Variants in MICAL2 observed in about 807,000 individuals in gnomAD.
MICAL2 encodes the protein [F-actin]-monooxygenase MICAL2.
Under a neutral mutation model 127.3 loss-of-function variants are expected in MICAL2, and 77 were observed. That is an observed-to-expected ratio of 0.60 (90% CI 0.50 to 0.73). The LOEUF (loss-of-function observed/expected upper bound fraction) is 0.73, where lower values mean the gene tolerates loss of function less well. Ranked by LOEUF, MICAL2 falls within the 30% of genes least tolerant of loss-of-function variation. The pLI is 0.00. For synonymous variants in MICAL2, 570 were observed against 551.1 expected (o/e 1.03, Z -0.48); for missense variants, 1,351 against 1,434.4 (o/e 0.94, Z 0.94).
intron 15 of MICAL2, among the ~76,000 whole-genome samples, chr11:12,230,517 T>C (rs1433973349): frequency 2.6e-5 from 4 of 152,146 alleles, no homozygotes; most frequent in Non-Finnish European, 5.9e-5. Flanking sequence ...GGTGCATCCG[T>C]ATTTGACCTT....
chr11:12,291,064 C>T (rs1863891974), downstream of MICAL2, among the ~76,000 whole-genome samples: 2 of 152,134 alleles, frequency 1.3e-5, no homozygotes, highest in South Asian at 2.1e-4. Flanking sequence ...GCTGAGTGGC[C>T]AGAAGCAGGG....
rs267602741 is a variant in MICAL2, at chr11:12,244,014, C to G, written c.2686C>G (p.His896Asp). The G allele has an allele frequency of 3.1e-6, 5 of 1,613,818 alleles. No individual in the cohort carries two copies. In the African/African-American group the frequency reaches 5.3e-5, roughly 17 times the overall value. Residue 896 changes from histidine to aspartate, a missense_variant, in exon 21 of 28, where the codon CAT becomes GAT. His to Asp is a moderately conservative substitution (Grantham distance 81). This residue lies in a region of MICAL2 where 752 missense variants were observed against 719.4 expected (regional missense o/e 1.05). Coordinates refer to ENST00000683283, the MANE Select transcript of MICAL2 (RefSeq NM_001282663.2). ...TAAACTACTCTCTAAAGGCCTGTCT[C>G]ATACTCATCCTCCATCTCCTCCCTC... Reference protein sequence around the residue: ...QNKLLSKGLSHTHPPSPPSRL... With the variant: ...QNKLLSKGLSDTHPPSPPSRL...
rs564664695 is a variant in MICAL2 at position 12,336,889 on chromosome 11, A to G, written c.5515+9623A>G. On this transcript the variant is annotated intron_variant, in intron 32 of 34. Transcript: ENST00000646065. Reference sequence around the variant, plus strand: ...ATTGAGGATTTTTGCATCAGTGTTCATCAAGGATATTGGTCTAAAATTCTC... The same window carrying G: ...ATTGAGGATTTTTGCATCAGTGTTCGTCAAGGATATTGGTCTAAAATTCTC... 5.3e-3 allele frequency among the ~76,000 whole-genome samples: 812 copies of G among 152,142 alleles called. 7 individuals are homozygous for G. The highest frequency in any genetic ancestry group is 0.018 in the African/African-American group (764 of 41,518).
rs1246199952 is a variant in MICAL2, at chr11:12,256,962, T to C, written c.3133T>C (p.Cys1045Arg). ...TLRLAAYTFDCDEGKFYCKPH... is the reference protein window; with the variant it reads ...TLRLAAYTFDRDEGKFYCKPH... ...GCGCCTGGCCGCCTACACCTTTGAC[T>C]GCGATGAAGGTAACCCCAGGGGCCA... Residue 1045 changes from cysteine (C) to arginine (R), a missense_variant, in exon 24 of 28, where the codon TGC (cysteine) becomes CGC (arginine). Physicochemically the swap from Cys to Arg is radical, Grantham distance 180 (BLOSUM62 -3). This residue lies in a region of MICAL2 where 752 missense variants were observed against 719.4 expected (regional missense o/e 1.05). Coordinates refer to ENST00000683283, the MANE Select transcript of MICAL2 (RefSeq NM_001282663.2). 2.5e-6 allele frequency: 4 copies of C among 1,612,784 alleles called. No individual in the cohort carries two copies. Among genetic ancestry groups the C allele is most frequent in the Non-Finnish European group, 3.4e-6 (4 of 1,179,446 alleles).
At chr11:12,191,761 T>C (rs1359472620) in intron 3 of MICAL2, among the ~76,000 whole-genome samples, 4 of 144,744 alleles carry the variant, frequency 2.8e-5, no homozygotes, top group Non-Finnish European at 6.0e-5. Flanking sequence ...AGTGAGACCC[T>C]GTCTCCAAAA....
chr11:12,323,993 A>T lies in MICAL2; in HGVS notation c.5344A>T (p.Arg1782Ter). The stretch of plus-strand genomic sequence containing the variant: ...GTTTTCATAGGAGAAGAAGACACTT[A>T]GAAGAAGAAAGAAGCTAGAAAAAGC... The change falls in exon 31 of 35, where the codon AGA (arginine) becomes TGA (stop). Residue 1782 changes from arginine to a stop codon, truncating the protein, a stop_gained. Transcript: ENST00000646065. LOFTEE classifies it high-confidence loss of function. 6.2e-7 allele frequency: 1 copy of T among 1,609,338 alleles called. No homozygotes were observed. Among genetic ancestry groups the T allele is most frequent in the Non-Finnish European group, 8.5e-7 (1 of 1,176,622 alleles).
At chr11:12,342,065 A>C (rs971082697) in intron 32 of MICAL2, among the ~76,000 whole-genome samples, 8 of 152,226 alleles carry the variant, frequency 5.3e-5, no homozygotes, top group African/African-American at 1.9e-4. Flanking sequence ...CATTTCGCAC[A>C]GGAAAAGGCA....
intron 26 of MICAL2, 200 bp downstream of exon 26, chr11:12,260,097 G>T (rs1364057459): frequency 2.0e-6 from 3 of 1,536,486 alleles, no homozygotes; most frequent in Admixed American, 3.9e-5. Context: ...TGGCAGCCAT[G>T]TACAGGGAAT....
Position 12,147,293 on chromosome 11 carries a change from T to C in MICAL2, c.-78+8833T>C, listed in dbSNP as rs367903459. 2.6e-5 allele frequency among the ~76,000 whole-genome samples: 4 copies of C among 152,252 alleles called. No individual in the cohort carries two copies. The Middle Eastern group carries it at 0.01, about 388-fold the overall frequency. On this transcript the variant is annotated intron_variant, in intron 2 of 27. Coordinates refer to ENST00000683283, the MANE Select transcript of MICAL2 (RefSeq NM_001282663.2). ...AGGTGCTACCATGGAAGCAGTTCCA[T>C]CCCTCCTGAGCCAGATTTCTATGGT...
upstream of MICAL2, among the ~76,000 whole-genome samples, chr11:12,275,040 G>A (rs1022274675): frequency 3.9e-5 from 6 of 152,072 alleles, no homozygotes; most frequent in Non-Finnish European, 5.9e-5. Context: ...CTGGATTCCC[G>A]ACGTGTTTTG....
chr11:12,302,626 C>T (rs1864060107), intron 29 of MICAL2, among the ~76,000 whole-genome samples: 1 of 152,030 alleles, frequency 6.6e-6, no homozygotes. Flanking sequence ...TACTCTTTTG[C>T]TCCCTTTTTC....
intron 2 of MICAL2, among the ~76,000 whole-genome samples, chr11:12,159,260 C>G (rs566021063): frequency 6.6e-6 from 1 of 152,216 alleles, no homozygotes; most frequent in South Asian, 2.1e-4. Flanking sequence ...GCGGAGGAGA[C>G]AGCTTCTTCC....
intron 15 of MICAL2, 76 bp downstream of exon 15, chr11:12,227,207 C>A: frequency 1.8e-6 from 2 of 1,097,444 alleles, no homozygotes; most frequent in Non-Finnish European, 2.7e-6. Flanking sequence ...TTGTCACATT[C>A]TCAGCCTGTT....
chr11:12,205,459 C>T (rs1022234391), intron 4 of MICAL2, among the ~76,000 whole-genome samples: 6 of 152,146 alleles, frequency 3.9e-5, no homozygotes, highest in African/African-American at 1.4e-4. Flanking sequence ...GGGCCAACTT[C>T]AGGACTTAAG....
At chr11:12,184,672 G>A in intron 3 of MICAL2, among the ~76,000 whole-genome samples, 1 of 152,182 alleles carries the variant, frequency 6.6e-6, no homozygotes, top group Non-Finnish European at 1.5e-5. Flanking sequence ...GAGCTTAGGA[G>A]AATCATTGTT....
intron 32 of MICAL2, among the ~76,000 whole-genome samples, chr11:12,336,245 C>T (rs1003754702): frequency 6.6e-6 from 1 of 151,774 alleles, no homozygotes; most frequent in East Asian, 1.9e-4. Flanking sequence ...CATGATTTGG[C>T]TCTCTGTTTG....
chr11:12,147,918 T>C (rs2133690856), intron 2 of MICAL2, among the ~76,000 whole-genome samples: 1 of 152,304 alleles, frequency 6.6e-6, no homozygotes, highest in East Asian at 1.9e-4. Flanking sequence ...TTCATAGACT[T>C]CCTGGGCGAA....
chr11:12,204,879 G>T (rs1257463443), intron 4 of MICAL2, among the ~76,000 whole-genome samples: 1 of 152,196 alleles, frequency 6.6e-6, no homozygotes, highest in Non-Finnish European at 1.5e-5. Flanking sequence ...CTTGCTAAAG[G>T]AATTTGGAGG....
chr11:12,280,493 G>A (rs1300498411), intron 1 of MICAL2, among the ~76,000 whole-genome samples: 1 of 152,220 alleles, frequency 6.6e-6, no homozygotes, highest in Non-Finnish European at 1.5e-5. Context: ...GGTGTGGGCA[G>A]GGTTGGTTCC....
Sources: gnomAD v4.1 joint callset for allele counts (sites outside exome capture counted in the v4.1 genomes callset) on GRCh38, gnomAD v4.1.1 for gene constraint, gnomAD v4.1.1 regional missense constraint, MANE v1.5 for transcripts, NCBI Gene and HGNC (gene_info 2026-07-23, HGNC 2026-07-21) for gene names.